The following FAM185A variants were observed in gnomAD, a reference collection of about 807,000 sequenced individuals.
FAM185A encodes protein FAM185A.
FAM185A carries 21 observed loss-of-function variants against 45.7 expected under a neutral mutation model. The ratio of observed to expected loss-of-function variants is 0.46; its 90% confidence interval spans 0.33 to 0.66. The LOEUF is 0.66. FAM185A is among the 30% of genes least tolerant of loss of function. FAM185A has a pLI of 0.03. For synonymous variants in FAM185A, 117 were observed against 194.0 expected (o/e 0.60, Z 3.30); for missense variants, 305 against 485.4 (o/e 0.63, Z 3.49).
At chr7:102,831,394 GACACAC>G in the FAM185A span, among the ~76,000 whole-genome samples, 167 of 141,648 alleles carry the variant, frequency 1.2e-3, 3 homozygotes, top group South Asian at 0.028. Flanking sequence ...CAGTGCCCGG[GACACAC>G]ACACACACAC....
chr7:102,779,796 G>A (rs1795289674), intron 6 of FAM185A: 1 of 148,494 alleles, frequency 6.7e-6, no homozygotes, highest in African/African-American at 2.5e-5. Context: ...GCCTAAGCTT[G>A]GGAGGTCAGC....
At chr7:102,782,592 G>C (rs1422681592) in intron 6 of FAM185A, among the ~76,000 whole-genome samples, 1 of 152,140 alleles carries the variant, frequency 6.6e-6, no homozygotes, top group Non-Finnish European at 1.5e-5. Flanking sequence ...TTACAGACAA[G>C]CAACTGCTGA....
intron 4 of FAM185A, 46 bp downstream of exon 4, chr7:102,761,457 T>G (rs1301984765): frequency 7.2e-7 from 1 of 1,390,720 alleles, no homozygotes; most frequent in Non-Finnish European, 9.4e-7. Context: ...CCACATAGCA[T>G]AAATTTTAAG....
At chr7:102,749,703 A>C in intron 1 of FAM185A, 45 bp downstream of exon 1, 3 of 1,491,372 alleles carry the variant, frequency 2.0e-6, no homozygotes, top group Non-Finnish European at 2.7e-6. Context: ...CAGGGAACGC[A>C]CAGTGAACTT....
Position 102,781,793 on chromosome 7 carries a change from A to G in FAM185A, c.931+4445A>G, listed in dbSNP as rs531653060. On this transcript the variant is annotated intron_variant, in intron 6 of 7. Coordinates refer to ENST00000413034, the MANE Select transcript of FAM185A (RefSeq NM_001145268.2). Reference sequence around the variant, plus strand: ...AACGCGGCTCCTCACCAGTAACGGAACAAAGCTGGATGGAGAATGACTTTG... The same window carrying G: ...AACGCGGCTCCTCACCAGTAACGGAGCAAAGCTGGATGGAGAATGACTTTG... Among the ~76,000 whole-genome samples the G allele has an allele frequency of 2.6e-5, 4 of 152,342 alleles. No individual in the cohort carries two copies. The South Asian group carries it at 8.3e-4, about 32-fold the overall frequency.
intron 7 of FAM185A, among the ~76,000 whole-genome samples, chr7:102,795,130 T>C (rs1796371830): frequency 6.6e-6 from 1 of 152,168 alleles, no homozygotes; most frequent in Non-Finnish European, 1.5e-5. Flanking sequence ...ATGTCATGAG[T>C]ATATACAAAG....
At chr7:102,793,373 G>A (rs1226310565) in intron 7 of FAM185A, among the ~76,000 whole-genome samples, 2 of 151,940 alleles carry the variant, frequency 1.3e-5, no homozygotes, top group African/African-American at 2.4e-5. Flanking sequence ...CACCATGCCC[G>A]GCTAATTTTT....
chr7:102,826,037 T>A, the FAM185A span, among the ~76,000 whole-genome samples: 1 of 152,184 alleles, frequency 6.6e-6, no homozygotes, highest in East Asian at 1.9e-4. Flanking sequence ...CCTTTGCCAT[T>A]AATATATGTG....
chr7:102,775,673 CCTT>C (rs1448006439), intron 5 of FAM185A, among the ~76,000 whole-genome samples: 3 of 151,974 alleles, frequency 2.0e-5, no homozygotes, highest in Non-Finnish European at 4.4e-5. Flanking sequence ...TTTTTTCCCT[CCTT>C]GAGAAAGCGA....
the FAM185A span, among the ~76,000 whole-genome samples, chr7:102,828,050 C>T: frequency 1.3e-5 from 2 of 152,082 alleles, no homozygotes; most frequent in Non-Finnish European, 2.9e-5. Flanking sequence ...GGCTTAGGAT[C>T]GACTTGGCAA....
chr7:102,825,839 T>A, the FAM185A span, among the ~76,000 whole-genome samples: 1 of 152,220 alleles, frequency 6.6e-6, no homozygotes, highest in Non-Finnish European at 1.5e-5. Context: ...TGATTTGAAT[T>A]CCCCAGCTCT....
At chr7:102,844,000 T>C in the FAM185A span, among the ~76,000 whole-genome samples, 33,907 of 152,062 alleles carry the variant, frequency 0.22, 4,348 homozygotes, top group East Asian at 0.59. Context: ...ATCAGTGGTG[T>C]CATCTGCAAG....
the FAM185A span, among the ~76,000 whole-genome samples, chr7:102,817,607 C>A: frequency 1.3e-5 from 2 of 151,990 alleles, no homozygotes; most frequent in Non-Finnish European, 2.9e-5. Context: ...TATTTTGAAT[C>A]GTATCAGGAA....
At chr7:102,803,177 C>T (rs2129443875) in intron 7 of FAM185A, among the ~76,000 whole-genome samples, 1 of 152,142 alleles carries the variant, frequency 6.6e-6, no homozygotes, top group Non-Finnish European at 1.5e-5. Flanking sequence ...CCTAATTCAT[C>T]CTATGAAGCT....
intron 7 of FAM185A, among the ~76,000 whole-genome samples, chr7:102,804,085 T>C (rs1796957387): frequency 6.6e-6 from 1 of 152,134 alleles, no homozygotes; most frequent in Admixed American, 6.5e-5. Flanking sequence ...GTAGAATCAA[T>C]ATTGTGAAAA....
the FAM185A span, among the ~76,000 whole-genome samples, chr7:102,828,917 G>C: frequency 6.6e-6 from 1 of 152,098 alleles, no homozygotes; most frequent in Non-Finnish European, 1.5e-5. Context: ...GTAGCCTTGG[G>C]CACACCCAGT....
At position 102,769,743 on chromosome 7, in the gene FAM185A, G is replaced by C. The variant is rs575649835; in HGVS notation, c.794-2666G>C. On this transcript the variant is annotated intron_variant, in intron 4 of 7. Coordinates refer to ENST00000413034, the MANE Select transcript of FAM185A (RefSeq NM_001145268.2). ...GAGGTCTAGGAGCCGCATCTGGTGAGAGCCTTCTTGCGGATAGGGGCTCTG... is the reference window on the plus strand; with the variant it reads ...GAGGTCTAGGAGCCGCATCTGGTGACAGCCTTCTTGCGGATAGGGGCTCTG... 2.6e-5 allele frequency among the ~76,000 whole-genome samples: 4 copies of C among 151,962 alleles called. No homozygotes were observed. In the East Asian group the frequency reaches 7.8e-4, roughly 30 times the overall value.
At chr7:102,849,896 G>T in the FAM185A span, among the ~76,000 whole-genome samples, 1 of 151,998 alleles carries the variant, frequency 6.6e-6, no homozygotes, top group Non-Finnish European at 1.5e-5. Context: ...TTGAGGGTGA[G>T]GGGAGGGAAC....
intron 1 of FAM185A, among the ~76,000 whole-genome samples, chr7:102,750,993 A>G (rs1255574970): frequency 2.6e-5 from 4 of 152,168 alleles, no homozygotes; most frequent in Admixed American, 1.3e-4. Flanking sequence ...GGCCCACTGC[A>G]GTCTTGACTT....
Sources: allele counts gnomAD v4.1 joint callset (sites outside exome capture counted in the v4.1 genomes callset), GRCh38; gene constraint gnomAD v4.1.1; transcripts MANE v1.5; gene names NCBI Gene and HGNC (gene_info 2026-07-23, HGNC 2026-07-21).